WNT7A: variants seen among roughly 807,000 people sequenced by gnomAD.
WNT7A encodes Wnt family member 7A.
Under a neutral mutation model 28.2 loss-of-function variants are expected in WNT7A, and 16 were observed. The observed-to-expected ratio is 0.57, with a 90% CI of 0.38 to 0.86. The LOEUF (loss-of-function observed/expected upper bound fraction) is 0.86, where lower values mean the gene tolerates loss of function less well. WNT7A is among the 40% of genes least tolerant of loss of function. The probability of loss-of-function intolerance (pLI) is 0.00; values close to 1 mark genes in which losing one functional copy is unlikely to be tolerated. For missense variants in WNT7A, 411 were observed against 489.7 expected (o/e 0.84, Z 1.52); for synonymous variants, 190 against 195.9 (o/e 0.97, Z 0.25).
At position 13,818,299 on chromosome 3, in the gene WNT7A, A is replaced by C. The variant is rs1694044974; in HGVS notation, c.*645T>G. ...GGATGGAAAACATACTCTGGAAAAA[A>C]CGTCTCCAAATCTGGACCAGCTTAA... On this transcript the variant is annotated 3_prime_UTR_variant, in exon 4 of 4. Coordinates refer to ENST00000285018, the MANE Select transcript of WNT7A (RefSeq NM_004625.4). 1 of 147,718 alleles carries C rather than the reference A, an allele frequency of 6.8e-6. No homozygotes were observed. Among genetic ancestry groups the C allele is most frequent in the South Asian group, 2.2e-4 (1 of 4,498 alleles). 9.2% of individuals were successfully genotyped at this position (147,718 alleles called of 1,614,324 possible). A position where few individuals can be genotyped will look rare whatever the true frequency, so the allele number is the denominator to read the frequency against.
intron 2 of WNT7A, among the ~76,000 whole-genome samples, chr3:13,870,562 C>T (rs751706643): frequency 2.4e-4 from 37 of 152,194 alleles, no homozygotes; most frequent in Non-Finnish European, 4.7e-4. Context: ...GGTGGGGCTA[C>T]CAGGCTGGGC....
At chr3:13,862,778 A>G (rs977804892) in intron 2 of WNT7A, among the ~76,000 whole-genome samples, 1 of 152,224 alleles carries the variant, frequency 6.6e-6, no homozygotes, top group African/African-American at 2.4e-5. Flanking sequence ...CTCTCTTCCC[A>G]CTGAGCAAGG....
chr3:13,876,638 A>T, intron 1 of WNT7A, among the ~76,000 whole-genome samples: 1 of 151,956 alleles, frequency 6.6e-6, no homozygotes, highest in East Asian at 1.9e-4. Flanking sequence ...GGTGACATGG[A>T]CCCATGCCCT....
At chr3:13,871,429 C>T (rs573800588) in intron 2 of WNT7A, among the ~76,000 whole-genome samples, 2 of 152,256 alleles carry the variant, frequency 1.3e-5, no homozygotes, top group Admixed American at 6.5e-5. Context: ...GCATTTCAGA[C>T]TCTCAGGGCT....
rs559966907 is a variant in WNT7A at position 13,843,568 on chromosome 3, A to T, written c.570+10964T>A. 1.7e-3 allele frequency among the ~76,000 whole-genome samples: 256 copies of T among 152,220 alleles called. 1 individual carries two copies. The highest frequency in any genetic ancestry group is 2.8e-3 in the Non-Finnish European group (191 of 68,012). On this transcript the variant is annotated intron_variant, in intron 3 of 3. Transcript: ENST00000285018. ...CCATCCAAAACTCTCAGCCCAGCAG[A>T]GAACACCTCCGGGGGACTGAGCAGT...
rs769755291 is a variant in WNT7A at position 13,857,404 on chromosome 3, A to G, written c.299-2601T>C. 5.3e-5 allele frequency among the ~76,000 whole-genome samples: 8 copies of G among 152,324 alleles called. No homozygotes were observed. In the South Asian group the frequency reaches 1.7e-3, roughly 32 times the overall value. On this transcript the variant is annotated intron_variant, in intron 2 of 3. Transcript: ENST00000285018. ...AGATCCTCGGGCAAAGAAACGGCAG[A>G]CAGACAGGAAAAGTCTGCACCTGTC...
intron 3 of WNT7A, among the ~76,000 whole-genome samples, chr3:13,840,418 C>T (rs535397282): frequency 4.3e-4 from 65 of 152,294 alleles, no homozygotes; most frequent in African/African-American, 1.2e-3. Flanking sequence ...CAGTACCAGA[C>T]GCATAAATAG....
intron 3 of WNT7A, among the ~76,000 whole-genome samples, chr3:13,843,300 T>C (rs1694491503): frequency 6.6e-6 from 1 of 152,240 alleles, no homozygotes; most frequent in South Asian, 2.1e-4. Context: ...GCACTCATCA[T>C]GCCTGAGAGC....
intron 3 of WNT7A, among the ~76,000 whole-genome samples, chr3:13,837,088 C>A (rs569194603): frequency 6.6e-6 from 1 of 152,242 alleles, no homozygotes; most frequent in Admixed American, 6.5e-5. Context: ...TACCGGAGGC[C>A]AAGTGGTAGC....
intron 2 of WNT7A, among the ~76,000 whole-genome samples, chr3:13,864,950 C>T (rs1392836581): frequency 2.6e-5 from 4 of 152,144 alleles, no homozygotes; most frequent in African/African-American, 7.2e-5. Flanking sequence ...TGGCAATGTC[C>T]GAAGCGAGGA....
At chr3:13,836,424 T>C (rs1402473883) in intron 3 of WNT7A, among the ~76,000 whole-genome samples, 1 of 152,212 alleles carries the variant, frequency 6.6e-6, no homozygotes, top group Non-Finnish European at 1.5e-5. Context: ...AATCTGCTGA[T>C]GCCTGGACCC....
At chr3:13,873,520 G>A (rs1359668010) in intron 2 of WNT7A, among the ~76,000 whole-genome samples, 1 of 152,112 alleles carries the variant, frequency 6.6e-6, no homozygotes, top group Non-Finnish European at 1.5e-5. Flanking sequence ...AAATAAGAAG[G>A]CACTCACAGA....
At chr3:13,871,237 C>G (rs890013690) in intron 2 of WNT7A, among the ~76,000 whole-genome samples, 21 of 152,196 alleles carry the variant, frequency 1.4e-4, no homozygotes, top group African/African-American at 5.1e-4. Context: ...ATGGCCACAG[C>G]TCCAAAGGCC....
intron 2 of WNT7A, among the ~76,000 whole-genome samples, chr3:13,866,033 G>T (rs1345687277): frequency 6.6e-6 from 1 of 152,210 alleles, no homozygotes; most frequent in Non-Finnish European, 1.5e-5. Context: ...TGGCCTTTGA[G>T]TGGAGACCTG....
At chr3:13,835,536 G>C (rs928008419) in intron 3 of WNT7A, among the ~76,000 whole-genome samples, 4 of 152,236 alleles carry the variant, frequency 2.6e-5, no homozygotes, top group African/African-American at 9.6e-5. Flanking sequence ...AGAGCAATGG[G>C]ACACAGAGCT....
intron 3 of WNT7A, among the ~76,000 whole-genome samples, chr3:13,831,604 C>G (rs865787014): frequency 6.6e-6 from 1 of 152,148 alleles, no homozygotes; most frequent in Non-Finnish European, 1.5e-5. Flanking sequence ...GGGAGTGTTG[C>G]TGCTGATGGC....
intron 3 of WNT7A, among the ~76,000 whole-genome samples, chr3:13,833,221 G>A (rs1049654194): frequency 3.9e-5 from 6 of 152,084 alleles, no homozygotes; most frequent in African/African-American, 1.4e-4. Flanking sequence ...ACACTCTTAC[G>A]CCTGTGCGCA....
chr3:13,840,807 G>A (rs1694445471), intron 3 of WNT7A, among the ~76,000 whole-genome samples: 1 of 151,442 alleles, frequency 6.6e-6, no homozygotes, highest in South Asian at 2.1e-4. Context: ...GTGCATGCAT[G>A]CATGCATCCA....
chr3:13,844,312 A>C (rs919834217), intron 3 of WNT7A, among the ~76,000 whole-genome samples: 2 of 152,210 alleles, frequency 1.3e-5, no homozygotes, highest in Non-Finnish European at 2.9e-5. Flanking sequence ...TCATTTACAA[A>C]GAGCACTTGG....
Sources: gnomAD v4.1 joint callset for allele counts (sites outside exome capture counted in the v4.1 genomes callset) on GRCh38, gnomAD v4.1.1 for gene constraint, MANE v1.5 for transcripts, NCBI Gene and HGNC (gene_info 2026-07-23, HGNC 2026-07-21) for gene names.